The following FRMD3 variants were observed in gnomAD, a reference collection of about 807,000 sequenced individuals.
FRMD3 encodes FERM domain containing 3.
Under a neutral mutation model 70.2 loss-of-function variants are expected in FRMD3, and 33 were observed. That is an observed-to-expected ratio of 0.47 (90% confidence interval 0.36 to 0.63). The LOEUF is 0.63. Ranked by LOEUF, FRMD3 falls within the 20% of genes least tolerant of loss-of-function variation. The pLI is 0.00. For missense variants in FRMD3, 632 were observed against 711.4 expected (o/e 0.89, Z 1.27); for synonymous variants, 279 against 255.9 (o/e 1.09, Z -0.86).
At chr9:83,381,352 C>T (rs1262549194) in intron 2 of FRMD3, among the ~76,000 whole-genome samples, 1 of 152,108 alleles carries the variant, frequency 6.6e-6, no homozygotes, top group African/African-American at 2.4e-5. Context: ...GTCAGGAGAT[C>T]GAGACTGTCC....
At position 83,313,311 on chromosome 9, in the gene FRMD3, T is replaced by A. The variant is rs147718797; in HGVS notation, c.684+349A>T. On this transcript the variant is annotated intron_variant, in intron 7 of 13. Transcript: ENST00000304195. ...ATCTTTCTTTTTTTTCCTTCCACTT[T>A]CCCATTTTTTAAAGACTCCATTCTT... 2.3e-3 allele frequency among the ~76,000 whole-genome samples: 350 copies of A among 152,316 alleles called. 1 individual carries two copies. Among genetic ancestry groups the A allele is most frequent in the African/African-American group, 8.2e-3 (341 of 41,558 alleles).
chr9:83,300,067 A>C (rs1298830203), intron 10 of FRMD3, among the ~76,000 whole-genome samples: 2 of 152,238 alleles, frequency 1.3e-5, no homozygotes, highest in Non-Finnish European at 2.9e-5. Context: ...AAACACACAC[A>C]GACAAAATCA....
chr9:83,258,386 T>C (rs563294729), intron 13 of FRMD3, among the ~76,000 whole-genome samples: 1 of 152,342 alleles, frequency 6.6e-6, no homozygotes, highest in African/African-American at 2.4e-5. Context: ...ATCCAAATGC[T>C]ACAGCTGAGG....
chr9:83,258,483 T>C (rs1832827132), intron 13 of FRMD3, among the ~76,000 whole-genome samples: 2 of 152,222 alleles, frequency 1.3e-5, no homozygotes. Flanking sequence ...TGATCTCTAA[T>C]GATGGAAGCA....
intron 1 of FRMD3, among the ~76,000 whole-genome samples, chr9:83,414,886 C>A (rs1333840730): frequency 6.6e-6 from 1 of 152,170 alleles, no homozygotes. Flanking sequence ...ACAGTGTGTG[C>A]AACTTAGAAT....
chr9:83,529,454 T>C (rs994569017), intron 1 of FRMD3, among the ~76,000 whole-genome samples: 1 of 152,164 alleles, frequency 6.6e-6, no homozygotes, highest in Non-Finnish European at 1.5e-5. Flanking sequence ...ATCAGCTGAA[T>C]TGTGCACTTT....
At chr9:83,573,825 T>C in the FRMD3 span, among the ~76,000 whole-genome samples, 5 of 151,448 alleles carry the variant, frequency 3.3e-5, no homozygotes, top group African/African-American at 9.7e-5. Flanking sequence ...CAGACATCCA[T>C]TACTAAACTG....
chr9:83,289,621 C>T (rs1365141786), intron 13 of FRMD3, among the ~76,000 whole-genome samples: 1 of 152,216 alleles, frequency 6.6e-6, no homozygotes, highest in Non-Finnish European at 1.5e-5. Context: ...AAATTCTTGA[C>T]TTGAAGCTGG....
chr9:83,327,392 G>T (rs1439351998), intron 6 of FRMD3, among the ~76,000 whole-genome samples: 2 of 152,250 alleles, frequency 1.3e-5, no homozygotes, highest in African/African-American at 4.8e-5. Flanking sequence ...AGCACTCAGC[G>T]ACTGCAGGGA....
Position 83,350,281 on chromosome 9 carries a change from G to C in FRMD3, c.296-524C>G, listed in dbSNP as rs1231040680. Among the ~76,000 whole-genome samples, 3 of 152,124 alleles carry C rather than the reference G, an allele frequency of 2.0e-5. No homozygotes were observed. The South Asian group carries it at 6.2e-4, about 31-fold the overall frequency. ...AGCCATGCAGAGATCCTACTTTGCAGATTTTTAGTATTATCTATCTATAAA... is the reference window on the plus strand; with the variant it reads ...AGCCATGCAGAGATCCTACTTTGCACATTTTTAGTATTATCTATCTATAAA... On this transcript the variant is annotated intron_variant, in intron 3 of 13. Transcript: ENST00000304195.
At chr9:83,353,312 A>AACTT (rs1317726474) in intron 3 of FRMD3, among the ~76,000 whole-genome samples, 1 of 152,114 alleles carries the variant, frequency 6.6e-6, no homozygotes, top group Non-Finnish European at 1.5e-5. Context: ...TTCTTTAAGA[A>AACTT]ACTTACTTAA....
intron 1 of FRMD3, among the ~76,000 whole-genome samples, chr9:83,489,703 T>A (rs1005899515): frequency 6.6e-6 from 1 of 152,196 alleles, no homozygotes; most frequent in African/African-American, 2.4e-5. Context: ...GTTCGAAGAT[T>A]TCTCAAAGAA....
At chr9:83,310,056 A>T (rs979634616) in intron 9 of FRMD3, among the ~76,000 whole-genome samples, 12 of 152,226 alleles carry the variant, frequency 7.9e-5, no homozygotes, top group African/African-American at 2.9e-4. Context: ...TCCCTGGTGA[A>T]TCCACAATCT....
intron 2 of FRMD3, among the ~76,000 whole-genome samples, chr9:83,373,916 A>G (rs771765136): frequency 3.3e-5 from 5 of 152,172 alleles, no homozygotes; most frequent in Non-Finnish European, 2.9e-5. Context: ...GTTATCCAGT[A>G]AGCCTCAGGT....
intron 1 of FRMD3, among the ~76,000 whole-genome samples, chr9:83,410,902 C>T (rs1272792802): frequency 6.6e-6 from 1 of 152,190 alleles, no homozygotes; most frequent in Admixed American, 6.5e-5. Flanking sequence ...CAGAATGAGG[C>T]CAGGCCAGCT....
chr9:83,245,461 A>C lies in FRMD3; in HGVS notation c.*2457T>G. 2 of 985,022 alleles carry C rather than the reference A, an allele frequency of 2.0e-6. No individual in the cohort carries two copies. The highest frequency in any genetic ancestry group is 2.4e-6 in the Non-Finnish European group (2 of 829,584). 61.0% of individuals were successfully genotyped at this position (985,022 alleles called of 1,614,324 possible). ...AAATTCAGCAGACCCTATTCTGTCA[A>C]CTTCTTCACTTAAAAACATTTCTAT... On this transcript the variant is annotated 3_prime_UTR_variant, in exon 14 of 14. Coordinates refer to ENST00000304195, the MANE Select transcript of FRMD3 (RefSeq NM_174938.6).
chr9:83,558,277 T>C, the FRMD3 span, among the ~76,000 whole-genome samples: 122 of 151,988 alleles, frequency 8.0e-4, 1 homozygote, highest in East Asian at 0.01. Context: ...TGTGTGTGTG[T>C]GCGCGCGCGC....
At chr9:83,370,203 C>T (rs1554694412) in intron 3 of FRMD3, among the ~76,000 whole-genome samples, 1 of 152,192 alleles carries the variant, frequency 6.6e-6, no homozygotes, top group Non-Finnish European at 1.5e-5. Flanking sequence ...TGACCAGACT[C>T]TTTCGATAAA....
At chr9:83,313,589 C>A (rs1176637658) in intron 7 of FRMD3, 71 bp downstream of exon 7, 2 of 1,215,484 alleles carry the variant, frequency 1.6e-6, no homozygotes, top group African/African-American at 3.0e-5. Context: ...CTCTGCCAGG[C>A]CTGCGCACAG....
Sources: gnomAD v4.1 joint callset for allele counts (sites outside exome capture counted in the v4.1 genomes callset) on GRCh38, gnomAD v4.1.1 for gene constraint, MANE v1.5 for transcripts, NCBI Gene and HGNC (gene_info 2026-07-23, HGNC 2026-07-21) for gene names.